SCAF4: variants seen among roughly 807,000 people sequenced by gnomAD.
SCAF4 encodes the protein SR-related CTD associated factor 4.
A neutral mutation model predicts 129.8 loss-of-function variants in SCAF4; 25 were observed. The observed-to-expected ratio is 0.19, with a 90% CI of 0.14 to 0.27. SCAF4 has a LOEUF of 0.27. Ranked by LOEUF, SCAF4 falls within the 10% of genes least tolerant of loss-of-function variation. The pLI is 1.00. For synonymous variants in SCAF4, 551 were observed against 497.7 expected, an observed-to-expected ratio of 1.11 and a Z score of -1.43; for missense variants, 1,246 against 1,457.1, an observed-to-expected ratio of 0.86 and a Z score of 2.36.
chr21:31,672,975 A>G (rs961672792), intron 19 of SCAF4, among the ~76,000 whole-genome samples: 12 of 152,246 alleles, frequency 7.9e-5, no homozygotes, highest in African/African-American at 2.7e-4. Flanking sequence ...TTACTGTTAC[A>G]GTTCCTTTTT....
At position 31,700,351 on chromosome 21, in the gene SCAF4, C is replaced by T. The variant is rs192014907; in HGVS notation, c.777+644G>A. 3.6e-3 allele frequency among the ~76,000 whole-genome samples: 549 copies of T among 152,092 alleles called. 5 individuals carry two copies. The highest frequency in any genetic ancestry group is 0.012 in the African/African-American group (511 of 41,508). On this transcript the variant is annotated intron_variant, in intron 7 of 19. Transcript: ENST00000286835. ...AAACTCCTGGGCTCATGGGATCCTC[C>T]GTTCTCGACCTCCCAAAGTGTTGGG... is the stretch of plus-strand genomic sequence containing the variant.
intron 15 of SCAF4, among the ~76,000 whole-genome samples, chr21:31,689,975 T>C (rs1056266415): frequency 6.6e-6 from 1 of 151,938 alleles, no homozygotes; most frequent in Non-Finnish European, 1.5e-5. Context: ...TATACTGCCA[T>C]GCCATCCTAT....
intron 7 of SCAF4, among the ~76,000 whole-genome samples, chr21:31,698,331 G>GC (rs2050438047): frequency 6.6e-6 from 1 of 152,052 alleles, no homozygotes; most frequent in Non-Finnish European, 1.5e-5. Context: ...AAACTTATGG[G>GC]CCAGTCCACT....
chr21:31,671,549 G>A lies in SCAF4; in HGVS notation c.3294C>T (p.Ser1098=), dbSNP rs2049693901. The change falls in exon 20 of 20, where the codon AGC becomes AGT. Residue 1098 remains serine, a synonymous_variant. Coordinates refer to ENST00000286835, the MANE Select transcript of SCAF4 (RefSeq NM_020706.2). ...GGNKTVEPPI[S]QVGNVDTASE... is the part of the protein sequence containing the mutation. ...AAGCAGTGTCTACATTTCCCACTTG[G>A]CTAATGGGAGGTTCAACGGTTTTGT... The A allele has an allele frequency of 6.2e-7, 1 of 1,613,616 alleles. No homozygotes were observed. The highest frequency in any genetic ancestry group is 8.5e-7 in the Non-Finnish European group (1 of 1,179,682).
chr21:31,731,723 C>G lies in SCAF4; in HGVS notation c.-31G>C. 6.4e-7 allele frequency: 1 copy of G among 1,572,522 alleles called. No individual in the cohort carries two copies. The highest frequency in any genetic ancestry group is 1.8e-5 in the Admixed American group (1 of 56,786). On this transcript the variant is annotated 5_prime_UTR_variant, in exon 1 of 20. Transcript: ENST00000286835. ...CGCTGCGGCGGCGGCTGCTCCGGGC[C>G]CGCCGGTCACATAGACCTCGCGCCG... is the stretch of plus-strand genomic sequence containing the variant.
At chr21:31,673,210 C>T (rs1411978887) in intron 19 of SCAF4, among the ~76,000 whole-genome samples, 4 of 152,128 alleles carry the variant, frequency 2.6e-5, no homozygotes, top group African/African-American at 4.8e-5. Context: ...AACAACCTGT[C>T]ATTTTCTGCT....
intron 7 of SCAF4, among the ~76,000 whole-genome samples, chr21:31,700,016 A>G (rs999113533): frequency 3.3e-5 from 5 of 151,724 alleles, no homozygotes; most frequent in Admixed American, 2.6e-4. Context: ...TGCCCAGGCT[A>G]GTGGCACAAT....
At chr21:31,702,044 C>T in intron 5 of SCAF4, 126 bp from the exon 6 acceptor site, 2 of 1,307,402 alleles carry the variant, frequency 1.5e-6, no homozygotes, top group Non-Finnish European at 2.1e-6. Context: ...GATTGTGGCA[C>T]TAGAGTTTAT....
At chr21:31,702,919 C>T (rs1257807159) in intron 4 of SCAF4, among the ~76,000 whole-genome samples, 1 of 152,122 alleles carries the variant, frequency 6.6e-6, no homozygotes, top group Non-Finnish European at 1.5e-5. Flanking sequence ...AAAAACAGCA[C>T]CTATGACACT....
chr21:31,675,315 T>C (rs537252179), intron 19 of SCAF4, among the ~76,000 whole-genome samples: 1 of 152,278 alleles, frequency 6.6e-6, no homozygotes, highest in South Asian at 2.1e-4. Context: ...TCTATGATTG[T>C]TTTTGATAGA....
At chr21:31,675,554 G>A (rs1387349663) in intron 19 of SCAF4, among the ~76,000 whole-genome samples, 4 of 152,134 alleles carry the variant, frequency 2.6e-5, no homozygotes, top group Non-Finnish European at 5.9e-5. Flanking sequence ...AGCTGTCAAC[G>A]CAAGATCAGA....
intron 1 of SCAF4, among the ~76,000 whole-genome samples, chr21:31,708,332 A>G (rs1194650994): frequency 3.3e-5 from 5 of 151,950 alleles, no homozygotes; most frequent in African/African-American, 1.2e-4. Context: ...GTAAGCCAAG[A>G]TCGCGCCACT....
chr21:31,696,392 C>T (rs2050386399), intron 8 of SCAF4, among the ~76,000 whole-genome samples, 171 bp from the exon 9 acceptor site: 1 of 152,122 alleles, frequency 6.6e-6, no homozygotes, highest in African/African-American at 2.4e-5. Context: ...AACATAAAAG[C>T]CATTTTTTGG....
At chr21:31,680,736 A>C (rs939502968) in intron 19 of SCAF4, among the ~76,000 whole-genome samples, 2 of 152,224 alleles carry the variant, frequency 1.3e-5, no homozygotes, top group African/African-American at 2.4e-5. Flanking sequence ...GTGCATTACT[A>C]GTAGACTGGT....
intron 1 of SCAF4, among the ~76,000 whole-genome samples, chr21:31,717,836 T>C (rs1260131881): frequency 6.6e-4 from 62 of 93,702 alleles, no homozygotes; most frequent in African/African-American, 2.2e-3. Context: ...CATATATATA[T>C]ATATATACAC....
At chr21:31,676,179 T>G (rs1260843584) in intron 19 of SCAF4, among the ~76,000 whole-genome samples, 1 of 152,238 alleles carries the variant, frequency 6.6e-6, no homozygotes, top group Non-Finnish European at 1.5e-5. Flanking sequence ...TTCCTCTACC[T>G]GTTTTGGTCA....
intron 4 of SCAF4, among the ~76,000 whole-genome samples, chr21:31,703,555 T>C (rs1248917975): frequency 6.6e-6 from 1 of 152,096 alleles, no homozygotes; most frequent in African/African-American, 2.4e-5. Flanking sequence ...GTTCCTGTCA[T>C]ATTTCAACAG....
chr21:31,724,610 T>C (rs961782899), intron 1 of SCAF4, among the ~76,000 whole-genome samples: 4 of 152,200 alleles, frequency 2.6e-5, no homozygotes, highest in Non-Finnish European at 5.9e-5. Context: ...GATTTGAGTG[T>C]GCGCAGATAT....
rs2049931193 is a variant in SCAF4, at chr21:31,678,926, T to C, written c.2488+6123A>G. Among the ~76,000 whole-genome samples the C allele has an allele frequency of 3.3e-5, 5 of 152,336 alleles. 1 individual carries two copies. The South Asian group carries it at 1.0e-3, about 32-fold the overall frequency. On this transcript the variant is annotated intron_variant, in intron 19 of 19. Coordinates refer to ENST00000286835, the MANE Select transcript of SCAF4 (RefSeq NM_020706.2). ...ACAGGTTTTGTTTTGTTCATTCTGG[T>C]ATTTCTAGTATACCTAGAAGGGTGC...
Sources: allele counts gnomAD v4.1 joint callset (sites outside exome capture counted in the v4.1 genomes callset), GRCh38; gene constraint gnomAD v4.1.1; transcripts MANE v1.5; gene names NCBI Gene and HGNC (gene_info 2026-07-23, HGNC 2026-07-21).